TM9SF3: variants seen among roughly 807,000 people sequenced by gnomAD.
The protein encoded by TM9SF3 is SM-11044-binding protein.
TM9SF3 carries 14 observed loss-of-function variants against 78.6 expected under a neutral mutation model. The ratio of observed to expected loss-of-function variants is 0.18; its 90% confidence interval spans 0.12 to 0.28. The LOEUF (loss-of-function observed/expected upper bound fraction) is 0.28. TM9SF3 is among the 10% of genes least tolerant of loss of function. The pLI, the probability that TM9SF3 is intolerant of heterozygous loss-of-function variation, is 1.00. For synonymous variants in TM9SF3, 231 were observed against 241.7 expected, an observed-to-expected ratio of 0.96 and a Z score of 0.41; for missense variants, 496 against 721.9, an observed-to-expected ratio of 0.69 and a Z score of 3.59.
intron 2 of TM9SF3, among the ~76,000 whole-genome samples, chr10:96,569,098 G>A (rs956289569): frequency 6.6e-6 from 1 of 152,210 alleles, no homozygotes; most frequent in African/African-American, 2.4e-5. Flanking sequence ...TGAGGCCGGG[G>A]AGGTCGAGGC....
In TM9SF3 at chr10:96,530,529, T is replaced by G; in HGVS notation, c.1394+11A>C. On this transcript the variant is annotated intron_variant, in intron 11 of 14. Coordinates refer to ENST00000371142, the MANE Select transcript of TM9SF3 (RefSeq NM_020123.4). ...AATCCCTCAAAACATAAATACATTA[T>G]CAAAACTTACATTTCAATAAAGATT... is the stretch of plus-strand genomic sequence containing the variant. 6.2e-7 allele frequency: 1 copy of G among 1,604,344 alleles called. No individual in the cohort carries two copies. Among genetic ancestry groups the G allele is most frequent in the Non-Finnish European group, 8.5e-7 (1 of 1,174,292 alleles).
intron 5 of TM9SF3, among the ~76,000 whole-genome samples, chr10:96,555,329 A>C (rs571325360): frequency 6.6e-6 from 1 of 152,100 alleles, no homozygotes; most frequent in South Asian, 2.1e-4. Flanking sequence ...TTTTCTTATA[A>C]TTTCTTCTCA....
chr10:96,562,770 G>GA (rs1222037698), intron 3 of TM9SF3, among the ~76,000 whole-genome samples: 1 of 151,696 alleles, frequency 6.6e-6, no homozygotes, highest in Non-Finnish European at 1.5e-5. Context: ...TGGGATATTG[G>GA]AAAAAAAAGA....
At chr10:96,559,837 T>TA in intron 4 of TM9SF3, 101 bp from the exon 5 acceptor site, 1 of 618,606 alleles carries the variant, frequency 1.6e-6, no homozygotes, top group Non-Finnish European at 2.7e-6. Context: ...CACTTAGAAT[T>TA]AAAATTCACT....
At chr10:96,529,868 T>C (rs1847877597) in intron 11 of TM9SF3, among the ~76,000 whole-genome samples, 1 of 152,202 alleles carries the variant, frequency 6.6e-6, no homozygotes, top group Non-Finnish European at 1.5e-5. Flanking sequence ...TGGTATTTAG[T>C]GGACAGGAGC....
At chr10:96,550,540 G>A (rs1166161949) in intron 7 of TM9SF3, among the ~76,000 whole-genome samples, 4 of 152,130 alleles carry the variant, frequency 2.6e-5, no homozygotes, top group Admixed American at 1.3e-4. Context: ...AATTATAATC[G>A]CTACCACCCA....
At chr10:96,550,743 G>A (rs1848159698) in intron 7 of TM9SF3, among the ~76,000 whole-genome samples, 1 of 152,032 alleles carries the variant, frequency 6.6e-6, no homozygotes, top group Admixed American at 6.5e-5. Context: ...ACTGACCTAG[G>A]AGTTTTTTTT....
intron 11 of TM9SF3, among the ~76,000 whole-genome samples, chr10:96,529,910 T>C (rs1847877943): frequency 6.6e-6 from 1 of 152,120 alleles, no homozygotes. Context: ...CCTGAGAAAG[T>C]CCCATACGGT....
chr10:96,550,745 GT>G (rs929270639), intron 7 of TM9SF3, among the ~76,000 whole-genome samples: 7 of 151,110 alleles, frequency 4.6e-5, no homozygotes, highest in Non-Finnish European at 7.4e-5. Flanking sequence ...TGACCTAGGA[GT>G]TTTTTTTTCA....
intron 9 of TM9SF3, among the ~76,000 whole-genome samples, chr10:96,535,792 T>G (rs989943984): frequency 6.6e-6 from 1 of 152,210 alleles, no homozygotes. Context: ...ACCCCAAAGA[T>G]CTACATACTG....
chr10:96,530,452 C>A, intron 11 of TM9SF3, 88 bp downstream of exon 11: 1 of 1,060,508 alleles, frequency 9.4e-7, no homozygotes. Context: ...GATGTTCTCC[C>A]AACTGATAAC....
At chr10:96,537,458 T>C (rs1438037931) in intron 9 of TM9SF3, among the ~76,000 whole-genome samples, 1 of 152,202 alleles carries the variant, frequency 6.6e-6, no homozygotes, top group Admixed American at 6.5e-5. Context: ...ATGAAAAAAT[T>C]GTGTAACAAC....
intron 9 of TM9SF3, among the ~76,000 whole-genome samples, chr10:96,535,310 G>C (rs548133486): frequency 6.6e-6 from 1 of 152,144 alleles, no homozygotes; most frequent in Non-Finnish European, 1.5e-5. Context: ...AATACTCTAA[G>C]ATTGCAAGGC....
At position 96,527,501 on chromosome 10, in the gene TM9SF3, T is replaced by TG. The variant is rs755189893; in HGVS notation, c.1542-6dup. 1.5e-4 allele frequency: 240 copies of TG among 1,603,564 alleles called. No individual in the cohort carries two copies. Among genetic ancestry groups the TG allele is most frequent in the Non-Finnish European group, 1.2e-4 (145 of 1,173,356 alleles). ...GAGAGAAAACTTGTCCATTGCCTGG[T>TG]GGGGGGAGGGGGAAAGAAGATAAAT... On this transcript the variant is annotated splice_polypyrimidine_tract_variant and splice_region_variant and intron_variant, in intron 12 of 14. Transcript: ENST00000371142.
At chr10:96,544,998 C>T (rs563711734) in intron 8 of TM9SF3, among the ~76,000 whole-genome samples, 2 of 152,218 alleles carry the variant, frequency 1.3e-5, no homozygotes, top group African/African-American at 4.8e-5. Flanking sequence ...GCAATCAGAA[C>T]TACAGATTTA....
chr10:96,537,817 T>C (rs1247538499), intron 9 of TM9SF3, among the ~76,000 whole-genome samples: 3 of 152,140 alleles, frequency 2.0e-5, no homozygotes, highest in Admixed American at 6.6e-5. Context: ...TATGAAATAC[T>C]GGAGAATAAA....
At chr10:96,579,602 C>T (rs1028631838) in intron 1 of TM9SF3, among the ~76,000 whole-genome samples, 1 of 152,070 alleles carries the variant, frequency 6.6e-6, no homozygotes, top group East Asian at 1.9e-4. Flanking sequence ...ATGTGATGCC[C>T]GTACTGTAAT....
At chr10:96,531,819 G>A (rs952561067) in intron 10 of TM9SF3, among the ~76,000 whole-genome samples, 19 of 152,040 alleles carry the variant, frequency 1.2e-4, no homozygotes, top group Admixed American at 6.6e-5. Flanking sequence ...AGGAACTTTT[G>A]TGACTTCTGA....
rs1847846223 is a variant in TM9SF3, at chr10:96,527,061, G to A, written c.1702+152C>T. On this transcript the variant is annotated intron_variant, in intron 14 of 14. Transcript: ENST00000371142. ...AATAAGGTAATAAATTATGTTGTGG[G>A]GAAGAGTCAAAAGGACTGAAATCAG... 3 of 561,060 alleles carry A rather than the reference G, an allele frequency of 5.3e-6. No individual in the cohort carries two copies. The African/African-American group carries it at 5.7e-5, about 11-fold the overall frequency. The allele number at this position is 561,060 out of a possible 1,614,324, so 34.8% of individuals were successfully genotyped here. A position where few individuals can be genotyped will look rare whatever the true frequency, so the allele number is the denominator to read the frequency against.
Sources: allele counts gnomAD v4.1 joint callset (sites outside exome capture counted in the v4.1 genomes callset), GRCh38; gene constraint gnomAD v4.1.1; transcripts MANE v1.5; gene names NCBI Gene and HGNC (gene_info 2026-07-23, HGNC 2026-07-21).